LAMA1: variants seen among roughly 807,000 people sequenced by gnomAD.
The protein encoded by LAMA1 is laminin subunit alpha-1.
In LAMA1, 219 loss-of-function variants were observed where a neutral mutation model predicts 348.7. That is an observed-to-expected ratio of 0.63 (90% CI 0.56 to 0.70). The LOEUF (loss-of-function observed/expected upper bound fraction) is 0.70. Ranked by LOEUF, LAMA1 falls within the 30% of genes least tolerant of loss-of-function variation. The pLI is 0.00. For synonymous variants in LAMA1, 1,487 were observed against 1,491.0 expected (o/e 1.00, Z 0.06); for missense variants, 3,744 against 3,888.0 (o/e 0.96, Z 0.99).
intron 4 of LAMA1, among the ~76,000 whole-genome samples, chr18:7,050,332 A>T (rs1337956017): frequency 6.6e-6 from 1 of 152,212 alleles, no homozygotes; most frequent in Non-Finnish European, 1.5e-5. Context: ...TCCAGTGCTC[A>T]CCACCTACCG....
At chr18:7,024,146 T>C (rs962692530) in intron 18 of LAMA1, among the ~76,000 whole-genome samples, 1 of 152,178 alleles carries the variant, frequency 6.6e-6, no homozygotes, top group African/African-American at 2.4e-5. Flanking sequence ...ACCCGGCCTA[T>C]TGTTCTTGAT....
chr18:6,974,952 G>T lies in LAMA1; in HGVS notation c.6574C>A (p.Pro2192Thr). Reference protein sequence around the residue: ...LGSGSTRLEFPDFPIDDNRWH... With the variant: ...LGSGSTRLEFTDFPIDDNRWH... ...CTGTTGTCATCAATGGGAAAGTCTG[G>T]AAACTCCAAGCGTGTGGACCCGGAG... is the stretch of plus-strand genomic sequence containing the variant. Residue 2192 changes from proline to threonine, a missense_variant, in exon 46 of 63, where the codon CCA (proline) becomes ACA (threonine). Physicochemically the swap from Pro to Thr is conservative, Grantham distance 38. Transcript: ENST00000389658. 6.2e-7 allele frequency: 1 copy of T among 1,614,050 alleles called. No homozygotes were observed. Among genetic ancestry groups the T allele is most frequent in the East Asian group, 2.2e-5 (1 of 44,862 alleles).
At chr18:7,079,538 C>T (rs929346710) in intron 3 of LAMA1, 2 of 256,596 alleles carry the variant, frequency 7.8e-6, no homozygotes, top group South Asian at 4.9e-5. Flanking sequence ...AGGTTTAACA[C>T]CGTTTTGTCT....
rs1378807040 is a variant in LAMA1 at position 6,992,698 on chromosome 18, T to C, written c.5031A>G (p.Leu1677=). 5.6e-6 allele frequency: 9 copies of C among 1,613,430 alleles called. No homozygotes were observed. The East Asian group carries it at 2.0e-4, about 36-fold the overall frequency. The change falls in exon 36 of 63, where the codon TTA becomes TTG. Residue 1677 remains leucine, a synonymous_variant. Transcript: ENST00000389658. The part of the protein sequence containing the change: ...SITEIMEKTT[L]NQTLDEDFLL... ...GGAAATCTTCATCCAAAGTCTGATT[T>C]AAAGTTGTCTTTTCCATAATTTCTA...
chr18:7,061,057 C>T (rs1439757813), intron 3 of LAMA1, among the ~76,000 whole-genome samples: 1 of 152,078 alleles, frequency 6.6e-6, no homozygotes, highest in Admixed American at 6.5e-5. Context: ...CATGGAGAGG[C>T]TGAAGTGGGA....
In LAMA1 at chr18:7,016,546, T is replaced by C; in HGVS notation, c.2934A>G (p.Lys978=). The change falls in exon 21 of 63, where the codon AAA becomes AAG. Residue 978 remains lysine, a synonymous_variant. Transcript: ENST00000389658. The part of the protein sequence containing the change: ...QCHCVPGVAG[K]RCDRCAHGFY... ...AGCCATGGGCACACCTGTCACACCTTTTCCCTGCCACACCTGGGACACAGT... is the reference window on the plus strand; with the variant it reads ...AGCCATGGGCACACCTGTCACACCTCTTCCCTGCCACACCTGGGACACAGT... 1 of 1,614,174 alleles carries C rather than the reference T, an allele frequency of 6.2e-7. No homozygotes were observed. Among genetic ancestry groups the C allele is most frequent in the Non-Finnish European group, 8.5e-7 (1 of 1,180,038 alleles).
At chr18:6,986,422 A>G in intron 36 of LAMA1, 75 bp from the exon 37 acceptor site, 1 of 1,366,086 alleles carries the variant, frequency 7.3e-7, no homozygotes, top group Non-Finnish European at 1.0e-6. Context: ...TAGTGGAAAA[A>G]ATTTTTACGT....
chr18:7,115,095 C>G (rs1194955180), intron 1 of LAMA1, among the ~76,000 whole-genome samples: 1 of 152,212 alleles, frequency 6.6e-6, no homozygotes, highest in Non-Finnish European at 1.5e-5. Context: ...TTGTTTCCAA[C>G]TGCTACGATC....
intron 1 of LAMA1, among the ~76,000 whole-genome samples, chr18:7,084,074 G>GAAAAAAAAA (rs35419107): frequency 2.0e-5 from 1 of 49,704 alleles, no homozygotes; most frequent in African/African-American, 6.6e-5. Context: ...TTCTGTCTCA[G>GAAAAAAAAA]AAAAAAAAAA....
In LAMA1 at chr18:7,025,894, A is replaced by G; in HGVS notation, c.2402+85T>C. The G allele has an allele frequency of 5.9e-6, 9 of 1,524,122 alleles. No homozygotes were observed. The South Asian group carries it at 1.1e-4, about 18-fold the overall frequency. The allele number at this position is 1,524,122 out of a possible 1,614,324, so 94.4% of individuals were successfully genotyped here. Reference sequence around the variant, plus strand: ...AAATTCACACACGTATTACACACACAGTCTTGCTCTGAAGTCATTAGTACG... The same window carrying G: ...AAATTCACACACGTATTACACACACGGTCTTGCTCTGAAGTCATTAGTACG... On this transcript the variant is annotated intron_variant, in intron 17 of 62. Coordinates refer to ENST00000389658, the MANE Select transcript of LAMA1 (RefSeq NM_005559.4).
At chr18:7,106,706 G>C (rs965137443) in intron 1 of LAMA1, among the ~76,000 whole-genome samples, 3 of 151,948 alleles carry the variant, frequency 2.0e-5, no homozygotes, top group African/African-American at 7.3e-5. Context: ...CCCCAGACCG[G>C]ACACACTATA....
In LAMA1 at chr18:6,967,336, T is replaced by C. The variant is rs557019414; in HGVS notation, c.6900-1039A>G. Among the ~76,000 whole-genome samples the C allele has an allele frequency of 2.0e-5, 3 of 152,372 alleles. No individual in the cohort carries two copies. The South Asian group carries it at 6.2e-4, about 32-fold the overall frequency. On this transcript the variant is annotated intron_variant, in intron 48 of 62. Transcript: ENST00000389658. ...CAACTATGGTTTAATTCTTTAATTC[T>C]TAAGCCTGTGGCTTCCTAGCCATAT...
intron 5 of LAMA1, among the ~76,000 whole-genome samples, chr18:7,047,762 C>T (rs956413041): frequency 7.0e-4 from 106 of 151,974 alleles, no homozygotes; most frequent in African/African-American, 2.1e-3. Context: ...TTTTCAACAA[C>T]GGCCCCAAAA....
Position 6,961,990 on chromosome 18 carries a change from G to C in LAMA1, c.7407C>G (p.Asp2469Glu). The C allele has an allele frequency of 1.2e-6, 2 of 1,614,220 alleles. No homozygotes were observed. Among genetic ancestry groups the C allele is most frequent in the Non-Finnish European group, 1.7e-6 (2 of 1,180,036 alleles). ...KNLEISRSTF[D>E]LLRNSYGVRK... is the part of the protein sequence containing the mutation. ...TCACTCCATAGGAATTTCTGAGTAA[G>C]TCAAAGGTTGATCTGGATATTTCCA... The change falls in exon 52 of 63, where the codon GAC becomes GAG. Residue 2469 changes from aspartate (D) to glutamate (E), a missense_variant. By Grantham distance (45) the Asp-to-Glu change is conservative. This residue lies in a region of LAMA1 where 1,983 missense variants were observed against 1,934.3 expected (regional missense o/e 1.03). Coordinates refer to ENST00000389658, the MANE Select transcript of LAMA1 (RefSeq NM_005559.4).
In LAMA1 at chr18:7,077,448, G is replaced by A. The variant is rs565213510; in HGVS notation, c.345+2527C>T. 7.2e-5 allele frequency among the ~76,000 whole-genome samples: 11 copies of A among 151,976 alleles called. No homozygotes were observed. The South Asian group carries it at 1.0e-3, about 14-fold the overall frequency. Reference sequence around the variant, plus strand: ...TCTCGATCTCCTGACCTCGTGATCCGCCCACCTCAGCCTCCGAAAGTGCTG... The same window carrying A: ...TCTCGATCTCCTGACCTCGTGATCCACCCACCTCAGCCTCCGAAAGTGCTG... On this transcript the variant is annotated intron_variant, in intron 3 of 62. Transcript: ENST00000389658.
chr18:6,971,977 G>A lies in LAMA1; in HGVS notation c.6779C>T (p.Ser2260Phe). 1 of 1,613,962 alleles carries A rather than the reference G, an allele frequency of 6.2e-7. No homozygotes were observed. The highest frequency in any genetic ancestry group is 8.5e-7 in the Non-Finnish European group (1 of 1,179,996). The stretch of plus-strand genomic sequence containing the variant: ...AAAATGAGTAACCTTCACAGCAGGA[G>A]ATTTCTAATGCAAACAAGCAAACAA... Reference protein sequence around the residue: ...VGGLGGQIKKSPAVKVTHFKG... With the variant: ...VGGLGGQIKKFPAVKVTHFKG... Residue 2260 changes from serine (S) to phenylalanine (F), a missense_variant, in exon 48 of 63, where the codon TCT (serine) becomes TTT (phenylalanine). Ser to Phe is a radical substitution (Grantham distance 155, BLOSUM62 -2). Around this residue, in one of 3 missense-constraint regions of LAMA1, gnomAD observed 1,983 missense variants for 1,934.3 expected, o/e 1.03. Transcript: ENST00000389658.
At chr18:7,064,812 A>C (rs983349080) in intron 3 of LAMA1, among the ~76,000 whole-genome samples, 7 of 152,242 alleles carry the variant, frequency 4.6e-5, no homozygotes, top group Non-Finnish European at 1.0e-4. Context: ...ATTAAATAGT[A>C]GGAAAAGCAA....
intron 1 of LAMA1, among the ~76,000 whole-genome samples, chr18:7,097,613 T>C (rs1221443135): frequency 1.3e-5 from 2 of 151,280 alleles, no homozygotes; most frequent in Non-Finnish European, 2.9e-5. Context: ...TGACTTACAC[T>C]ACCTATTTCA....
intron 19 of LAMA1, among the ~76,000 whole-genome samples, chr18:7,019,358 C>G (rs1391151926): frequency 6.6e-6 from 1 of 152,086 alleles, no homozygotes; most frequent in Non-Finnish European, 1.5e-5. Flanking sequence ...CCTCTTGTTT[C>G]TCGTGTGTCT....
Sources: gnomAD v4.1 joint callset for allele counts (sites outside exome capture counted in the v4.1 genomes callset) on GRCh38, gnomAD v4.1.1 for gene constraint, gnomAD v4.1.1 regional missense constraint, MANE v1.5 for transcripts, NCBI Gene and HGNC (gene_info 2026-07-23, HGNC 2026-07-21) for gene names.